BIN3: variants seen among roughly 807,000 people sequenced by gnomAD.
BIN3 encodes bridging integrator 3.
Under a neutral mutation model 38.2 loss-of-function variants are expected in BIN3, and 41 were observed. The observed-to-expected ratio is 1.07, with a 90% CI of 0.84 to 1.39. The LOEUF (loss-of-function observed/expected upper bound fraction) is 1.39, where lower values mean the gene tolerates loss of function less well. Ranked by LOEUF, BIN3 falls within the 40% of genes most tolerant of loss-of-function variation. The probability of loss-of-function intolerance (pLI) is 0.00; values close to 1 mark genes in which losing one functional copy is unlikely to be tolerated. For missense variants in BIN3, 361 were observed against 324.3 expected, an observed-to-expected ratio of 1.11 and a Z score of -0.87; for synonymous variants, 145 against 122.6, an observed-to-expected ratio of 1.18 and a Z score of -1.21.
intron 2 of BIN3, among the ~76,000 whole-genome samples, chr8:22,642,122 C>T (rs1370775613): frequency 6.6e-6 from 1 of 152,134 alleles, no homozygotes; most frequent in Non-Finnish European, 1.5e-5. Flanking sequence ...CAGTTGGGTG[C>T]CTTGAGCCAA....
intron 2 of BIN3, among the ~76,000 whole-genome samples, chr8:22,638,979 T>C (rs772882772): frequency 3.3e-5 from 5 of 152,214 alleles, no homozygotes; most frequent in African/African-American, 7.2e-5. Context: ...ATTTAAAGTG[T>C]TGCCTGTCCC....
intron 6 of BIN3, among the ~76,000 whole-genome samples, chr8:22,626,761 A>G (rs1344252480): frequency 6.6e-6 from 1 of 152,104 alleles, no homozygotes; most frequent in African/African-American, 2.4e-5. Context: ...GGTGGCTTCC[A>G]CGGTGCAGGA....
rs981173989 is a variant in BIN3, at chr8:22,624,353, C to T, written c.349G>A (p.Val117Ile). 6.2e-7 allele frequency: 1 copy of T among 1,612,844 alleles called. No individual in the cohort carries two copies. Among genetic ancestry groups the T allele is most frequent in the Non-Finnish European group, 8.5e-7 (1 of 1,179,318 alleles). Residue 117 changes from valine (V) to isoleucine (I), a missense_variant, in exon 7 of 9, where the codon GTC (valine) becomes ATC (isoleucine). By Grantham distance (29) the Val-to-Ile change is conservative. Coordinates refer to ENST00000276416, the MANE Select transcript of BIN3 (RefSeq NM_018688.6). ...VIEPLKKFGSVFPSLNMAVKR... is the reference protein window; with the variant it reads ...VIEPLKKFGSIFPSLNMAVKR... ...ACAGCCATGTTGAGGCTCGGGAAGA[C>T]ACTGCCGAACCTGTGGGACAAGCTG...
chr8:22,667,069 G>A (rs1375510722), intron 1 of BIN3, among the ~76,000 whole-genome samples: 1 of 152,148 alleles, frequency 6.6e-6, no homozygotes, highest in African/African-American at 2.4e-5. Flanking sequence ...ACAGGGTCAG[G>A]GTCCACGCAA....
intron 4 of BIN3, among the ~76,000 whole-genome samples, chr8:22,634,030 T>C (rs1802290187): frequency 1.3e-5 from 2 of 152,264 alleles, no homozygotes; most frequent in Admixed American, 1.3e-4. Flanking sequence ...GGACCCCTGA[T>C]GCCCTCCTTG....
intron 1 of BIN3, among the ~76,000 whole-genome samples, chr8:22,667,804 G>C (rs898265527): frequency 1.3e-5 from 2 of 152,056 alleles, no homozygotes; most frequent in Non-Finnish European, 2.9e-5. Context: ...ATCAATCTTG[G>C]TCTAAGAAAC....
chr8:22,630,348 G>C, intron 5 of BIN3, 94 bp downstream of exon 5: 1 of 1,507,202 alleles, frequency 6.6e-7, no homozygotes, highest in Non-Finnish European at 9.0e-7. Flanking sequence ...CCTGAGAGCA[G>C]AGGGAGCCCA....
At chr8:22,651,987 GTTTT>G (rs35335976) in intron 1 of BIN3, among the ~76,000 whole-genome samples, 3 of 137,922 alleles carry the variant, frequency 2.2e-5, no homozygotes, top group African/African-American at 5.3e-5. Flanking sequence ...CTTCTACCAA[GTTTT>G]TTTTTTTTTT....
At chr8:22,644,669 G>T in intron 2 of BIN3, 86 bp downstream of exon 2, 1 of 1,340,054 alleles carries the variant, frequency 7.5e-7, no homozygotes, top group Non-Finnish European at 1.0e-6. Context: ...CCAGCCCCAA[G>T]ATGTGTTGAT....
intron 2 of BIN3, among the ~76,000 whole-genome samples, chr8:22,643,232 T>G (rs1010286047): frequency 3.3e-5 from 5 of 152,194 alleles, no homozygotes; most frequent in Non-Finnish European, 5.9e-5. Context: ...TTCTTTGGAC[T>G]TCAGCTGAGA....
At position 22,669,113 on chromosome 8, in the gene BIN3, TC is replaced by T; in HGVS notation, c.-63del. 6.4e-7 allele frequency: 1 copy of T among 1,560,302 alleles called. No homozygotes were observed. The highest frequency in any genetic ancestry group is 8.7e-7 in the Non-Finnish European group (1 of 1,151,516). ...CACAACTCGTTTCTCTAGGGTCACT[TC>T]CGGATTCAACCAGTCTCCAGGAAGT... On this transcript the variant is annotated 5_prime_UTR_variant, in exon 1 of 9. Transcript: ENST00000276416.
intron 1 of BIN3, 56 bp downstream of exon 1, chr8:22,668,988 C>G: frequency 6.4e-7 from 1 of 1,555,004 alleles, no homozygotes; most frequent in South Asian, 1.2e-5. Context: ...GACACAGGGC[C>G]AGGGGCCTCG....
intron 4 of BIN3, among the ~76,000 whole-genome samples, chr8:22,634,793 C>G (rs542432969): frequency 6.6e-6 from 1 of 151,888 alleles, no homozygotes; most frequent in Non-Finnish European, 1.5e-5. Context: ...GTGGCGGGCA[C>G]GGGGGTGGGC....
chr8:22,631,830 G>A (rs1220890439), intron 4 of BIN3, among the ~76,000 whole-genome samples: 1 of 152,184 alleles, frequency 6.6e-6, no homozygotes, highest in Non-Finnish European at 1.5e-5. Context: ...GCTCAGAGGC[G>A]GGCTGGAGAC....
chr8:22,644,264 C>A (rs1404854238), intron 2 of BIN3, among the ~76,000 whole-genome samples: 1 of 152,230 alleles, frequency 6.6e-6, no homozygotes, highest in Non-Finnish European at 1.5e-5. Context: ...ATTCAATCTT[C>A]CTTTCCTGCT....
chr8:22,624,402 A>C, intron 6 of BIN3, 39 bp from the exon 7 acceptor site: 1 of 1,596,408 alleles, frequency 6.3e-7, no homozygotes, highest in Non-Finnish European at 8.5e-7. Flanking sequence ...CCGTTCTTGA[A>C]GGGGTGGCCT....
At chr8:22,636,733 C>T in intron 3 of BIN3, 147 bp from the exon 4 acceptor site, 4 of 1,009,836 alleles carry the variant, frequency 4.0e-6, no homozygotes, top group Non-Finnish European at 6.0e-6. Context: ...GCCACTACAC[C>T]CAAAGGCTAT....
chr8:22,624,096 C>T (rs1032898855), intron 7 of BIN3, 47 bp from the exon 8 acceptor site: 31 of 679,812 alleles, frequency 4.6e-5, no homozygotes, highest in East Asian at 1.1e-4. Flanking sequence ...TGCTGGGTGC[C>T]GGATACGGGA....
chr8:22,643,551 C>T (rs1450703212), intron 2 of BIN3, among the ~76,000 whole-genome samples: 1 of 152,208 alleles, frequency 6.6e-6, no homozygotes, highest in Non-Finnish European at 1.5e-5. Context: ...TGAAATGATG[C>T]CCCCACGTTG....
Sources: allele counts gnomAD v4.1 joint callset (sites outside exome capture counted in the v4.1 genomes callset), GRCh38; gene constraint gnomAD v4.1.1; transcripts MANE v1.5; gene names NCBI Gene and HGNC (gene_info 2026-07-23, HGNC 2026-07-21).